The following CGGBP1 variants were observed in gnomAD, a reference collection of about 807,000 sequenced individuals.
The protein encoded by CGGBP1 is CGG triplet repeat-binding protein 1.
In CGGBP1, 4 loss-of-function variants were observed where a neutral mutation model predicts 11.4. The ratio of observed to expected loss-of-function variants is 0.35; its 90% CI spans 0.17 to 0.80. The LOEUF (loss-of-function observed/expected upper bound fraction) is 0.80. Ranked by LOEUF, CGGBP1 falls within the 30% of genes least tolerant of loss-of-function variation. The pLI is 0.52. For missense variants in CGGBP1, 135 were observed against 202.1 expected, an observed-to-expected ratio of 0.67 and a Z score of 2.01; for synonymous variants, 76 against 74.1, an observed-to-expected ratio of 1.03 and a Z score of -0.13.
chr3:88,064,704 A>G (rs562202319), intron 2 of CGGBP1, among the ~76,000 whole-genome samples: 4 of 152,292 alleles, frequency 2.6e-5, no homozygotes, highest in East Asian at 3.9e-4. Context: ...CCATCTGTAG[A>G]TATCTCTCCT....
At chr3:88,088,756 G>GGA (rs372346726) in intron 2 of CGGBP1, among the ~76,000 whole-genome samples, 12,226 of 143,284 alleles carry the variant, frequency 0.085, 498 homozygotes, top group East Asian at 0.14. Context: ...ATGTATGTAT[G>GGA]TATGTATGGA....
intron 2 of CGGBP1, among the ~76,000 whole-genome samples, chr3:88,133,224 T>G (rs1706570232): frequency 6.6e-6 from 1 of 152,104 alleles, no homozygotes; most frequent in Non-Finnish European, 1.5e-5. Context: ...GTTTTCTACC[T>G]TTGTGTTTTA....
At chr3:88,070,594 A>G (rs1707457255) in intron 2 of CGGBP1, among the ~76,000 whole-genome samples, 1 of 105,014 alleles carries the variant, frequency 9.5e-6, no homozygotes, top group African/African-American at 4.3e-5. Flanking sequence ...TTTTTTGCAG[A>G]TCATATTGGT....
intron 2 of CGGBP1, among the ~76,000 whole-genome samples, chr3:88,129,321 T>A (rs1374157808): frequency 3.1e-3 from 235 of 76,714 alleles, no homozygotes; most frequent in African/African-American, 5.4e-3. Flanking sequence ...TTGCCAGGAG[T>A]AAAAAAAAAA....
chr3:88,128,954 T>C (rs757285210), intron 2 of CGGBP1: 3 of 1,535,314 alleles, frequency 2.0e-6, no homozygotes, highest in East Asian at 2.4e-5. Flanking sequence ...TATACTTCCA[T>C]CAAGCACTCT....
intron 2 of CGGBP1, among the ~76,000 whole-genome samples, chr3:88,076,196 T>C (rs937858844): frequency 1.3e-5 from 2 of 152,208 alleles, no homozygotes; most frequent in East Asian, 1.9e-4. Context: ...GGTTTTTCAG[T>C]TGCTTTTATT....
intron 2 of CGGBP1, among the ~76,000 whole-genome samples, chr3:88,121,501 T>G (rs1442834029): frequency 6.6e-6 from 1 of 152,110 alleles, no homozygotes; most frequent in Non-Finnish European, 1.5e-5. Context: ...TCCCCTTTAT[T>G]TTATATGGGC....
upstream of CGGBP1, chr3:88,059,305 G>C (rs1706695206): frequency 6.5e-7 from 1 of 1,532,790 alleles, no homozygotes; most frequent in Admixed American, 2.0e-5. Context: ...GTACGCGCTG[G>C]GCGGCGAGAG....
intron 2 of CGGBP1, among the ~76,000 whole-genome samples, chr3:88,096,398 C>G (rs1479824781): frequency 6.6e-6 from 1 of 152,098 alleles, no homozygotes; most frequent in Non-Finnish European, 1.5e-5. Flanking sequence ...GATATAACTA[C>G]TGCTATAGAG....
chr3:88,134,992 G>C (rs1278235903), intron 2 of CGGBP1: 2 of 1,133,524 alleles, frequency 1.8e-6, no homozygotes, highest in Non-Finnish European at 2.3e-6. Flanking sequence ...TAGAATCAGG[G>C]AAAGATAGCT....
At chr3:88,114,002 T>A (rs1705246548) in intron 2 of CGGBP1, among the ~76,000 whole-genome samples, 1 of 152,210 alleles carries the variant, frequency 6.6e-6, no homozygotes, top group South Asian at 2.1e-4. Flanking sequence ...TAAAACTTAC[T>A]AATTTTCCAT....
chr3:88,142,850 A>G (rs1255714608), intron 1 of CGGBP1: 1 of 152,284 alleles, frequency 6.6e-6, no homozygotes, highest in Non-Finnish European at 1.5e-5. Context: ...TTCCTTAGTG[A>G]TGTTATTTTC....
chr3:88,075,006 T>A (rs1707721541), intron 2 of CGGBP1, among the ~76,000 whole-genome samples: 1 of 152,186 alleles, frequency 6.6e-6, no homozygotes, highest in African/African-American at 2.4e-5. Context: ...ACCCTGACCA[T>A]TTCCTCCTTC....
At chr3:88,078,577 A>G (rs1707931499) in intron 2 of CGGBP1, among the ~76,000 whole-genome samples, 1 of 152,184 alleles carries the variant, frequency 6.6e-6, no homozygotes, top group South Asian at 2.1e-4. Context: ...CACTAAAAGT[A>G]GTATAATGTT....
chr3:88,126,402 GAA>G (rs1403352338), intron 2 of CGGBP1: 1 of 1,042,866 alleles, frequency 9.6e-7, no homozygotes, highest in Non-Finnish European at 1.2e-6. Context: ...ATTTTCACAT[GAA>G]AAGTGTTTGT....
intron 2 of CGGBP1, chr3:88,140,507 T>C: frequency 6.2e-7 from 1 of 1,613,802 alleles, no homozygotes; most frequent in Non-Finnish European, 8.5e-7. Flanking sequence ...ACGAACGTTC[T>C]GATGACACTG....
intron 2 of CGGBP1, among the ~76,000 whole-genome samples, chr3:88,096,365 G>A (rs1704059508): frequency 6.6e-6 from 1 of 152,076 alleles, no homozygotes; most frequent in South Asian, 2.1e-4. Flanking sequence ...GCACCGATTT[G>A]TGTGAGAGGG....
At chr3:88,134,856 G>A (rs1475453193) in intron 2 of CGGBP1, among the ~76,000 whole-genome samples, 1 of 151,928 alleles carries the variant, frequency 6.6e-6, no homozygotes, top group East Asian at 1.9e-4. Flanking sequence ...CCTTACTACT[G>A]TATATTTGTG....
At chr3:88,145,233 A>T (rs1406452810) in intron 1 of CGGBP1, among the ~76,000 whole-genome samples, 1 of 152,116 alleles carries the variant, frequency 6.6e-6, no homozygotes, top group African/African-American at 2.4e-5. Flanking sequence ...ACAAAGGAAA[A>T]CCGTCCAAAC....
Sources: allele counts gnomAD v4.1 joint callset (sites outside exome capture counted in the v4.1 genomes callset), GRCh38; gene constraint gnomAD v4.1.1; transcripts MANE v1.5; gene names NCBI Gene and HGNC (gene_info 2026-07-23, HGNC 2026-07-21).